Variants in SENP7 observed in about 807,000 individuals in gnomAD.
SENP7 encodes sentrin-specific protease 7.
SENP7 carries 64 observed loss-of-function variants against 141.2 expected under a neutral mutation model. The observed-to-expected ratio is 0.45, with a 90% CI of 0.37 to 0.56. SENP7 has a LOEUF of 0.56. SENP7 is among the 20% of genes least tolerant of loss of function. The pLI, the probability that SENP7 is intolerant of heterozygous loss-of-function variation, is 0.00. For missense variants in SENP7, 1,025 were observed against 1,212.2 expected, an observed-to-expected ratio of 0.85 and a Z score of 2.29; for synonymous variants, 382 against 426.4, an observed-to-expected ratio of 0.90 and a Z score of 1.28.
At chr3:101,326,708 G>A (rs906060232) in intron 23 of SENP7, among the ~76,000 whole-genome samples, 1 of 152,218 alleles carries the variant, frequency 6.6e-6, no homozygotes, top group South Asian at 2.1e-4. Context: ...TCCAGCTATA[G>A]TTTTCTGAGC....
Position 101,347,938 on chromosome 3 carries a change from A to C in SENP7, c.1771T>G (p.Trp591Gly). 6.2e-7 allele frequency: 1 copy of C among 1,610,042 alleles called. No individual in the cohort carries two copies. The highest frequency in any genetic ancestry group is 8.5e-7 in the Non-Finnish European group (1 of 1,177,158). Residue 591 changes from tryptophan (W) to glycine (G), a missense_variant, in exon 13 of 24, where the codon TGG (tryptophan) becomes GGG (glycine). By Grantham distance (184) the Trp-to-Gly change is radical. Around this residue, in one of 4 missense-constraint regions of SENP7, gnomAD observed 228 missense variants for 228.5 expected, o/e 1.00. Transcript: ENST00000394095. ...TCTTGAAGATAATCTGAAGAGACCC[A>C]GAAGAAAAGAATAGCATGACTCCTT... ...SKRSHAILFF[W>G]VSSDYLQEIQ...
At position 101,326,090 on chromosome 3, in the gene SENP7, G is replaced by T; in HGVS notation, c.3016-10C>A. 2 of 1,545,892 alleles carry T rather than the reference G, an allele frequency of 1.3e-6. No homozygotes were observed. Among genetic ancestry groups the T allele is most frequent in the Non-Finnish European group, 1.7e-6 (2 of 1,149,402 alleles). On this transcript the variant is annotated splice_polypyrimidine_tract_variant and intron_variant, in intron 23 of 23. Transcript: ENST00000394095. ...AGTTAACAATAGGATCCTAATGAGA[G>T]GAAAAAAAGAGTGTAATCACTTTAG...
intron 6 of SENP7, among the ~76,000 whole-genome samples, chr3:101,378,228 G>C (rs2060393168): frequency 6.6e-6 from 1 of 151,780 alleles, no homozygotes. Flanking sequence ...TTGACAACAA[G>C]TATCAGAACC....
intron 4 of SENP7, among the ~76,000 whole-genome samples, chr3:101,430,519 G>C (rs1014843979): frequency 1.3e-5 from 2 of 152,014 alleles, no homozygotes; most frequent in African/African-American, 4.8e-5. Context: ...TATTTCTGTG[G>C]GATCGGTGGT....
chr3:101,417,716 T>C lies in SENP7; in HGVS notation c.359A>G (p.Asn120Ser). 3 of 1,613,990 alleles carry C rather than the reference T, an allele frequency of 1.9e-6. No individual in the cohort carries two copies. Among genetic ancestry groups the C allele is most frequent in the Admixed American group, 1.7e-5 (1 of 60,028 alleles). ...GRKFRKTLPRNDANLCDANKV... is the reference protein window; with the variant it reads ...GRKFRKTLPRSDANLCDANKV... ...GTTGGCATCACATAAATTAGCATCG[T>C]TTCTAGGTAGGGTCTTTCTGAATTT... is the stretch of plus-strand genomic sequence containing the variant. Residue 120 changes from asparagine (N) to serine (S), a missense_variant, in exon 5 of 24, where the codon AAC (asparagine) becomes AGC (serine). Asn to Ser is a conservative substitution (Grantham distance 46, BLOSUM62 1). This residue lies in a region of SENP7 where 496 missense variants were observed against 503.5 expected (regional missense o/e 0.99). Transcript: ENST00000394095.
intron 15 of SENP7, chr3:101,340,417 T>G: frequency 1.8e-6 from 1 of 561,526 alleles, no homozygotes. Context: ...TATTATCTTT[T>G]CTTTTCCAAT....
At chr3:101,399,355 A>T (rs1039723482) in intron 5 of SENP7, among the ~76,000 whole-genome samples, 5 of 152,256 alleles carry the variant, frequency 3.3e-5, no homozygotes, top group African/African-American at 7.2e-5. Context: ...TTCTCTAAAA[A>T]TGCTTTCTTT....
chr3:101,376,855 C>T (rs1319297179), intron 6 of SENP7, among the ~76,000 whole-genome samples: 2 of 151,820 alleles, frequency 1.3e-5, no homozygotes, highest in Admixed American at 1.3e-4. Context: ...CTTTCAAATT[C>T]AGTTGTAGTG....
At chr3:101,498,065 A>G (rs559523343) in intron 2 of SENP7, among the ~76,000 whole-genome samples, 1 of 152,322 alleles carries the variant, frequency 6.6e-6, no homozygotes, top group South Asian at 2.1e-4. Context: ...CCAAAGTGCC[A>G]GGATTACAGT....
At chr3:101,483,194 A>T (rs1411277406) in intron 3 of SENP7, among the ~76,000 whole-genome samples, 1 of 152,214 alleles carries the variant, frequency 6.6e-6, no homozygotes, top group Non-Finnish European at 1.5e-5. Context: ...GAATCAACCT[A>T]GGTGCCCATC....
intron 3 of SENP7, among the ~76,000 whole-genome samples, chr3:101,493,166 C>CT (rs1260646265): frequency 1.6e-4 from 25 of 152,286 alleles, no homozygotes; most frequent in Admixed American, 1.6e-3. Context: ...TGCATGTTCT[C>CT]ACTTATCAGT....
At chr3:101,441,380 G>C (rs1365722943) in intron 4 of SENP7, among the ~76,000 whole-genome samples, 2 of 152,100 alleles carry the variant, frequency 1.3e-5, no homozygotes. Flanking sequence ...GTATCCGCAG[G>C]CACTGTCCCA....
chr3:101,325,362 A>G lies in SENP7; in HGVS notation c.*581T>C, dbSNP rs2058873357. On this transcript the variant is annotated 3_prime_UTR_variant, in exon 24 of 24. Transcript: ENST00000394095. ...AGAATAATAAGCTGCACTTTAAAAG[A>G]GCGAATTTTTATCATCTTCCTAACA... 1 of 152,464 alleles carries G rather than the reference A, an allele frequency of 6.6e-6. No individual in the cohort carries two copies. The highest frequency in any genetic ancestry group is 1.5e-5 in the Non-Finnish European group (1 of 67,976). 9.4% of individuals were successfully genotyped at this position (152,464 alleles called of 1,614,324 possible). A position where few individuals can be genotyped will look rare whatever the true frequency, so the allele number is the denominator to read the frequency against.
intron 4 of SENP7, among the ~76,000 whole-genome samples, chr3:101,432,222 A>G (rs2107722092): frequency 6.6e-6 from 1 of 152,318 alleles, no homozygotes; most frequent in Non-Finnish European, 1.5e-5. Context: ...AAGTGAGGGA[A>G]GAGTGGGGAG....
intron 5 of SENP7, among the ~76,000 whole-genome samples, chr3:101,410,278 T>C (rs557157969): frequency 6.6e-6 from 1 of 152,042 alleles, no homozygotes; most frequent in Non-Finnish European, 1.5e-5. Flanking sequence ...CAAAAAATAG[T>C]AGATGTTGGC....
chr3:101,336,622 G>A (rs1342525682), intron 17 of SENP7, among the ~76,000 whole-genome samples: 3 of 152,174 alleles, frequency 2.0e-5, no homozygotes, highest in African/African-American at 4.8e-5. Context: ...GTTGTAAATT[G>A]TAAAGCAGTA....
intron 4 of SENP7, 64 bp downstream of exon 4, chr3:101,458,891 T>C (rs1176876072): frequency 4.1e-6 from 4 of 967,896 alleles, no homozygotes; most frequent in South Asian, 1.5e-5. Flanking sequence ...CAAGCTTAAA[T>C]GAATCATTTA....
At chr3:101,407,748 T>C (rs556676832) in intron 5 of SENP7, among the ~76,000 whole-genome samples, 1 of 152,076 alleles carries the variant, frequency 6.6e-6, no homozygotes, top group Non-Finnish European at 1.5e-5. Context: ...ACAACAATAG[T>C]GACACAACCT....
At chr3:101,425,499 A>C (rs141399952) in intron 4 of SENP7, among the ~76,000 whole-genome samples, 2 of 152,346 alleles carry the variant, frequency 1.3e-5, no homozygotes, top group African/African-American at 2.4e-5. Flanking sequence ...TAAAAGAAAA[A>C]GACTCTACCC....
Sources: allele counts gnomAD v4.1 joint callset (sites outside exome capture counted in the v4.1 genomes callset), GRCh38; gene constraint gnomAD v4.1.1; regional missense constraint gnomAD v4.1.1; transcripts MANE v1.5; gene names NCBI Gene and HGNC (gene_info 2026-07-23, HGNC 2026-07-21).